The following UPK1B variants were observed in gnomAD, a reference collection of about 807,000 sequenced individuals.
UPK1B encodes the protein uroplakin-1b.
UPK1B carries 28 observed loss-of-function variants against 34.2 expected under a neutral mutation model. The observed-to-expected ratio is 0.82, with a 90% CI of 0.61 to 1.12. The LOEUF (loss-of-function observed/expected upper bound fraction) is 1.12. Among genes scored for constraint, UPK1B ranks in the 50% most tolerant of loss-of-function variants. UPK1B has a pLI of 0.00. For missense variants in UPK1B, 325 were observed against 320.9 expected, an observed-to-expected ratio of 1.01 and a Z score of -0.10; for synonymous variants, 81 against 110.4, an observed-to-expected ratio of 0.73 and a Z score of 1.67.
At position 119,199,156 on chromosome 3, in the gene UPK1B, C is replaced by A; in HGVS notation, c.732+16C>A. 1 of 1,613,656 alleles carries A rather than the reference C, an allele frequency of 6.2e-7. No individual in the cohort carries two copies. Among genetic ancestry groups the A allele is most frequent in the South Asian group, 1.1e-5 (1 of 91,008 alleles). ...CTGCTGGACTGTGAGTATTTCCCAG[C>A]ACATATTTTATCTGAGAGGATGATC... On this transcript the variant is annotated intron_variant, in intron 7 of 7. Transcript: ENST00000264234.
At chr3:119,185,784 T>C (rs1171968158) in intron 1 of UPK1B, among the ~76,000 whole-genome samples, 4 of 152,234 alleles carry the variant, frequency 2.6e-5, no homozygotes, top group Admixed American at 2.0e-4. Context: ...TTTCTCAAGG[T>C]GCTTCAAGTG....
At chr3:119,175,023 T>A (rs1559898851) in intron 1 of UPK1B, among the ~76,000 whole-genome samples, 5 of 52,832 alleles carry the variant, frequency 9.5e-5, no homozygotes, top group African/African-American at 4.7e-4. Flanking sequence ...TTTTTTTTTT[T>A]TTTTTTTTTT....
chr3:119,203,839 T>A, intron 7 of UPK1B, 78 bp from the exon 8 acceptor site: 5 of 1,457,408 alleles, frequency 3.4e-6, no homozygotes, highest in Non-Finnish European at 4.8e-6. Context: ...TGAATGAACC[T>A]AACATCCACT....
At position 119,204,218 on chromosome 3, in the gene UPK1B, T is replaced by C. The variant is rs1559905574; in HGVS notation, c.*251T>C. The stretch of plus-strand genomic sequence containing the variant: ...AAAGGAGAATTTGAAAAATGCATAA[T>C]AACTACTTCCATCCCTGCTTATTTT... On this transcript the variant is annotated 3_prime_UTR_variant, in exon 8 of 8. Coordinates refer to ENST00000264234, the MANE Select transcript of UPK1B (RefSeq NM_006952.4). 2 of 461,438 alleles carry C rather than the reference T, an allele frequency of 4.3e-6. No homozygotes were observed. Among genetic ancestry groups the C allele is most frequent in the East Asian group, 6.6e-5 (2 of 30,460 alleles). The allele number at this position is 461,438 out of a possible 1,614,324, so 28.6% of individuals were successfully genotyped here. A position where few individuals can be genotyped will look rare whatever the true frequency, so the allele number is the denominator to read the frequency against.
At chr3:119,185,842 A>T (rs1454611297) in intron 1 of UPK1B, among the ~76,000 whole-genome samples, 6 of 152,210 alleles carry the variant, frequency 3.9e-5, no homozygotes. Context: ...TGTTCCTTCC[A>T]GAAAATCCTC....
intron 5 of UPK1B, among the ~76,000 whole-genome samples, chr3:119,193,166 T>G (rs1275269622): frequency 1.3e-5 from 2 of 152,354 alleles, no homozygotes; most frequent in Admixed American, 6.5e-5. Context: ...TACCCAAATC[T>G]GAAGCTTGGA....
chr3:119,199,079 G>C lies in UPK1B; in HGVS notation c.671G>C (p.Gly224Ala). Residue 224 changes from glycine to alanine, a missense_variant, in exon 7 of 8, where the codon GGT (glycine) becomes GCT (alanine). Physicochemically the swap from Gly to Ala is moderately conservative, Grantham distance 60. Coordinates refer to ENST00000264234, the MANE Select transcript of UPK1B (RefSeq NM_006952.4). ...CAGGGCTGCTATGAACTGATCTCTG[G>C]TCCAATGAACCGACACGCCTGGGGG... is the stretch of plus-strand genomic sequence containing the variant. ...HNQGCYELIS[G>A]PMNRHAWGVA... The C allele has an allele frequency of 6.2e-7, 1 of 1,614,124 alleles. No individual in the cohort carries two copies. The highest frequency in any genetic ancestry group is 2.2e-5 in the East Asian group (1 of 44,880).
chr3:119,178,226 T>C (rs555312405), intron 1 of UPK1B, among the ~76,000 whole-genome samples: 15 of 152,242 alleles, frequency 9.9e-5, no homozygotes, highest in Admixed American at 9.8e-4. Context: ...GAATGGAAAA[T>C]ATAATAGTTG....
chr3:119,199,886 T>C (rs2078083966), intron 7 of UPK1B, among the ~76,000 whole-genome samples: 1 of 152,216 alleles, frequency 6.6e-6, no homozygotes, highest in Non-Finnish European at 1.5e-5. Flanking sequence ...CCTATATCTA[T>C]TGGCATTTAC....
At chr3:119,190,433 T>G in intron 4 of UPK1B, 114 bp downstream of exon 4, 1 of 653,978 alleles carries the variant, frequency 1.5e-6, no homozygotes. Flanking sequence ...TAATAATACA[T>G]CTATCATTTT....
At position 119,181,521 on chromosome 3, in the gene UPK1B, G is replaced by A. The variant is rs1455510907; in HGVS notation, c.-28-5193G>A. 2.0e-5 allele frequency among the ~76,000 whole-genome samples: 3 copies of A among 152,156 alleles called. 1 individual carries two copies. The highest frequency in any genetic ancestry group is 4.1e-4 in the South Asian group (2 of 4,824). ...CTATACTCATTTGAAGATAAAGCTC[G>A]AGAAGATTAAGTAACTTCTTGGGGT... On this transcript the variant is annotated intron_variant, in intron 1 of 7. Transcript: ENST00000264234.
intron 1 of UPK1B, among the ~76,000 whole-genome samples, chr3:119,181,485 G>C (rs1318554705): frequency 6.6e-6 from 1 of 152,074 alleles, no homozygotes; most frequent in East Asian, 1.9e-4. Flanking sequence ...AACCCTTGAA[G>C]TTAAGTATTA....
rs1039439745 is a variant in UPK1B at position 119,179,374 on chromosome 3, T to G, written c.-29+5736T>G. Among the ~76,000 whole-genome samples the G allele has an allele frequency of 3.8e-3, 279 of 72,642 alleles. 10 individuals carry two copies. The South Asian group carries it at 0.069, about 18-fold the overall frequency. The allele number at this position is 72,642 out of a possible 152,430, so 47.7% of individuals were successfully genotyped here. A position where few individuals can be genotyped will look rare whatever the true frequency, so the allele number is the denominator to read the frequency against. ...GGAGATATATATATATATATATATA[T>G]ATATATATATATATATATATATATT... On this transcript the variant is annotated intron_variant, in intron 1 of 7. Coordinates refer to ENST00000264234, the MANE Select transcript of UPK1B (RefSeq NM_006952.4).
At position 119,203,395 on chromosome 3, in the gene UPK1B, C is replaced by T. The variant is rs114098199; in HGVS notation, c.733-522C>T. Among the ~76,000 whole-genome samples, 1,003 of 138,982 alleles carry T rather than the reference C, an allele frequency of 7.2e-3. 10 individuals carry two copies. The highest frequency in any genetic ancestry group is 0.026 in the African/African-American group (974 of 37,916). The allele number at this position is 138,982 out of a possible 152,430, so 91.2% of individuals were successfully genotyped here. A position where few individuals can be genotyped will look rare whatever the true frequency, so the allele number is the denominator to read the frequency against. ...CTGATATCTAACAAAGACATGGAAC[C>T]AACCCAAATGCCCATCAGCAATAGA... On this transcript the variant is annotated intron_variant, in intron 7 of 7. Transcript: ENST00000264234.
At chr3:119,185,760 A>G (rs1285208266) in intron 1 of UPK1B, among the ~76,000 whole-genome samples, 3 of 152,210 alleles carry the variant, frequency 2.0e-5, no homozygotes, top group Non-Finnish European at 4.4e-5. Context: ...AAATGTTGAG[A>G]GCTGTAGATG....
chr3:119,195,297 T>G (rs2078061730), intron 6 of UPK1B, among the ~76,000 whole-genome samples: 1 of 152,234 alleles, frequency 6.6e-6, no homozygotes, highest in African/African-American at 2.4e-5. Context: ...TGAAACGCTG[T>G]GCTCTGCTCA....
intron 1 of UPK1B, among the ~76,000 whole-genome samples, chr3:119,177,632 G>T (rs1204031254): frequency 2.0e-5 from 3 of 152,158 alleles, no homozygotes; most frequent in African/African-American, 7.2e-5. Flanking sequence ...ACTACCAAAA[G>T]TGTAGTCATT....
At chr3:119,190,907 C>G (rs2078041047) in intron 4 of UPK1B, 75 bp from the exon 5 acceptor site, 1 of 1,579,830 alleles carries the variant, frequency 6.3e-7, no homozygotes, top group African/African-American at 1.3e-5. Flanking sequence ...CAGGAAAAGA[C>G]AGAGAAAAAT....
At position 119,191,013 on chromosome 3, in the gene UPK1B, T is replaced by C; in HGVS notation, c.377T>C (p.Leu126Pro). The C allele has an allele frequency of 1.9e-6, 3 of 1,613,956 alleles. No individual in the cohort carries two copies. The highest frequency in any genetic ancestry group is 2.5e-6 in the Non-Finnish European group (3 of 1,179,908). The change falls in exon 5 of 8, where the codon CTA becomes CCA. Residue 126 changes from leucine to proline, a missense_variant. Leu to Pro is a moderately conservative substitution (Grantham distance 98). Transcript: ENST00000264234. ...FTPNLFLKQM[L>P]ERYQNNSPPN... Reference sequence around the variant, plus strand: ...CCCAACCTCTTCCTGAAGCAGATGCTAGAGAGGTACCAAAACAACAGCCCT... The same window carrying C: ...CCCAACCTCTTCCTGAAGCAGATGCCAGAGAGGTACCAAAACAACAGCCCT...
Sources: allele counts gnomAD v4.1 joint callset (sites outside exome capture counted in the v4.1 genomes callset), GRCh38; gene constraint gnomAD v4.1.1; transcripts MANE v1.5; gene names NCBI Gene and HGNC (gene_info 2026-07-23, HGNC 2026-07-21).